The following ALK variants were observed in gnomAD, a reference collection of about 807,000 sequenced individuals.
ALK encodes the protein ALK tyrosine kinase receptor.
Under a neutral mutation model 163.1 loss-of-function variants are expected in ALK, and 74 were observed. The ratio of observed to expected loss-of-function variants is 0.45; its 90% CI spans 0.38 to 0.55. The LOEUF is 0.55. Among genes scored for constraint, ALK ranks in the 20% least tolerant of loss-of-function variants. The probability of loss-of-function intolerance (pLI) is 0.00; values close to 1 mark genes in which losing one functional copy is unlikely to be tolerated. For missense variants in ALK, 2,063 were observed against 2,105.3 expected, an observed-to-expected ratio of 0.98 and a Z score of 0.39; for synonymous variants, 960 against 843.2, an observed-to-expected ratio of 1.14 and a Z score of -2.40.
intron 11 of ALK, among the ~76,000 whole-genome samples, chr2:29,266,767 G>A (rs948843505): frequency 3.3e-5 from 5 of 152,162 alleles, no homozygotes; most frequent in African/African-American, 4.8e-5. Context: ...TAGGTGCTTC[G>A]TGACTATTTA....
At chr2:29,914,184 A>G (rs1667773952) in intron 1 of ALK, among the ~76,000 whole-genome samples, 1 of 152,196 alleles carries the variant, frequency 6.6e-6, no homozygotes, top group Non-Finnish European at 1.5e-5. Context: ...GGAAGTAAAT[A>G]CCACACTTCA....
chr2:29,273,913 G>A (rs758864157), intron 11 of ALK, among the ~76,000 whole-genome samples: 14 of 152,206 alleles, frequency 9.2e-5, no homozygotes, highest in Admixed American at 1.3e-4. Flanking sequence ...GTGAGACATT[G>A]GCATGAACTG....
rs1226175253 is a variant in ALK at position 29,692,434 on chromosome 2, AT to A, written c.952+2415del. On this transcript the variant is annotated intron_variant, in intron 3 of 28. Transcript: ENST00000389048. ...TCAAGGACTAGTTTCTTGGAAGACA[AT>A]TTTTCCACGGATGGTTTTGGGATGA... is the stretch of plus-strand genomic sequence containing the variant. Among the ~76,000 whole-genome samples the A allele has an allele frequency of 2.0e-5, 3 of 152,164 alleles. No individual in the cohort carries two copies. In the East Asian group the frequency reaches 5.8e-4, roughly 29 times the overall value.
intron 1 of ALK, among the ~76,000 whole-genome samples, chr2:29,751,156 G>A (rs143932348): frequency 6.6e-6 from 1 of 152,136 alleles, no homozygotes; most frequent in Non-Finnish European, 1.5e-5. Context: ...CACCTGTATA[G>A]GGCATTTACC....
At chr2:29,264,119 C>T (rs1291855535) in intron 11 of ALK, among the ~76,000 whole-genome samples, 1 of 152,216 alleles carries the variant, frequency 6.6e-6, no homozygotes, top group Non-Finnish European at 1.5e-5. Flanking sequence ...GAGCCAGGCA[C>T]CCTGGTCACT....
intron 4 of ALK, among the ~76,000 whole-genome samples, chr2:29,508,657 T>G (rs183166914): frequency 2.9e-5 from 4 of 139,310 alleles, no homozygotes; most frequent in East Asian, 2.1e-4. Flanking sequence ...GTAACTAACC[T>G]GCATGTTGTG....
intron 26 of ALK, among the ~76,000 whole-genome samples, chr2:29,199,801 C>A (rs1366454524): frequency 2.6e-5 from 4 of 152,050 alleles, no homozygotes; most frequent in African/African-American, 9.7e-5. Context: ...AAACCACTAC[C>A]TAATGATCAG....
chr2:29,212,819 G>T lies in ALK; in HGVS notation c.3743+1165C>A, dbSNP rs542395613. Among the ~76,000 whole-genome samples, 4 of 152,146 alleles carry T rather than the reference G, an allele frequency of 2.6e-5. No individual in the cohort carries two copies. In the South Asian group the frequency reaches 8.3e-4, roughly 32 times the overall value. On this transcript the variant is annotated intron_variant, in intron 24 of 28. Coordinates refer to ENST00000389048, the MANE Select transcript of ALK (RefSeq NM_004304.5). ...CCTCCTGGGTTCAAGTGATTCTCCT[G>T]CCTCACCTCCCGAGTAGCTGGGATT...
intron 26 of ALK, among the ~76,000 whole-genome samples, chr2:29,201,226 T>C (rs999349068): frequency 6.6e-6 from 1 of 152,168 alleles, no homozygotes; most frequent in African/African-American, 2.4e-5. Flanking sequence ...CAAGATCTCA[T>C]ACAGTTCTCT....
At chr2:29,801,539 G>A (rs550047248) in intron 1 of ALK, among the ~76,000 whole-genome samples, 1 of 152,328 alleles carries the variant, frequency 6.6e-6, no homozygotes, top group East Asian at 1.9e-4. Context: ...ACGACTTTCA[G>A]CCTTCAAGGA....
At chr2:29,767,851 A>C (rs1436345163) in intron 1 of ALK, among the ~76,000 whole-genome samples, 3 of 152,240 alleles carry the variant, frequency 2.0e-5, no homozygotes, top group Non-Finnish European at 4.4e-5. Context: ...GTCAACAGGG[A>C]TGTCAAACAG....
At chr2:29,457,954 CT>C (rs1177984541) in intron 4 of ALK, among the ~76,000 whole-genome samples, 1 of 152,062 alleles carries the variant, frequency 6.6e-6, no homozygotes, top group Non-Finnish European at 1.5e-5. Context: ...ATCATCAATA[CT>C]TTAGGAAGTC....
At chr2:29,526,355 G>A (rs964849752) in intron 4 of ALK, among the ~76,000 whole-genome samples, 2 of 152,206 alleles carry the variant, frequency 1.3e-5, no homozygotes, top group Non-Finnish European at 1.5e-5. Context: ...CCCACTGTGT[G>A]CTCAGAGAAC....
intron 3 of ALK, among the ~76,000 whole-genome samples, chr2:29,539,088 T>A (rs1343225711): frequency 6.6e-6 from 1 of 152,154 alleles, no homozygotes; most frequent in Non-Finnish European, 1.5e-5. Context: ...CTTTACCTTG[T>A]CAAGATTGTG....
At chr2:29,538,518 C>T (rs1673323170) in intron 3 of ALK, among the ~76,000 whole-genome samples, 1 of 152,156 alleles carries the variant, frequency 6.6e-6, no homozygotes, top group Admixed American at 6.5e-5. Flanking sequence ...GAAACAGATG[C>T]CATTGCCTTG....
chr2:29,442,661 G>C (rs1189606157), intron 4 of ALK, among the ~76,000 whole-genome samples: 2 of 152,074 alleles, frequency 1.3e-5, no homozygotes, highest in African/African-American at 4.8e-5. Context: ...AAAATAATGA[G>C]AGTAAAAGCA....
At chr2:29,679,294 T>G (rs1213293294) in intron 3 of ALK, among the ~76,000 whole-genome samples, 1 of 151,920 alleles carries the variant, frequency 6.6e-6, no homozygotes, top group Non-Finnish European at 1.5e-5. Flanking sequence ...TTCATCTTCC[T>G]TTTTATGTAG....
At chr2:29,386,380 G>A (rs1293069468) in intron 4 of ALK, among the ~76,000 whole-genome samples, 4 of 152,164 alleles carry the variant, frequency 2.6e-5, no homozygotes, top group South Asian at 4.1e-4. Flanking sequence ...AGGGCTTTCG[G>A]TTTAAATGAG....
At chr2:29,771,102 C>T (rs760447237) in intron 1 of ALK, among the ~76,000 whole-genome samples, 12 of 152,032 alleles carry the variant, frequency 7.9e-5, no homozygotes, top group East Asian at 3.8e-4. Context: ...AAAATACACA[C>T]GTACACATAC....
Sources: allele counts gnomAD v4.1 joint callset (sites outside exome capture counted in the v4.1 genomes callset), GRCh38; gene constraint gnomAD v4.1.1; transcripts MANE v1.5; gene names NCBI Gene and HGNC (gene_info 2026-07-23, HGNC 2026-07-21).